Variants in TEX14 observed in about 807,000 individuals in gnomAD.
TEX14 encodes testis expressed 14, intercellular bridge forming factor.
TEX14 carries 168 observed loss-of-function variants against 178.6 expected under a neutral mutation model. That is an observed-to-expected ratio of 0.94 (90% CI 0.83 to 1.07). The LOEUF is 1.07. Among genes scored for constraint, TEX14 ranks in the 50% least tolerant of loss-of-function variants. TEX14 has a pLI of 0.00. For synonymous variants in TEX14, 626 were observed against 634.1 expected (o/e 0.99, Z 0.19); for missense variants, 1,730 against 1,753.6 (o/e 0.99, Z 0.24).
At chr17:58,568,115 A>T (rs564050404) in intron 26 of TEX14, among the ~76,000 whole-genome samples, 1 of 152,366 alleles carries the variant, frequency 6.6e-6, no homozygotes, top group African/African-American at 2.4e-5. Context: ...ATTTGCAAGG[A>T]CTGCCTAGGG....
At chr17:58,573,345 T>C (rs2044588172) in intron 22 of TEX14, 37 bp from the exon 23 acceptor site, 1 of 1,596,724 alleles carries the variant, frequency 6.3e-7, no homozygotes, top group African/African-American at 1.3e-5. Context: ...GATGAGAAGA[T>C]GACTAGAAAA....
intron 1 of TEX14, chr17:58,677,672 A>AT (rs2047416736): frequency 6.6e-6 from 1 of 152,194 alleles, no homozygotes; most frequent in African/African-American, 2.4e-5. Flanking sequence ...ACAGAATGCA[A>AT]TGAGTGAACC....
intron 3 of TEX14, among the ~76,000 whole-genome samples, chr17:58,624,332 TTTTCTTTTC>T (rs1238690482): frequency 7.0e-6 from 1 of 142,196 alleles, no homozygotes; most frequent in Non-Finnish European, 1.6e-5. Flanking sequence ...TTTTCTTTTC[TTTTCTTTTC>T]TTTTTTTTTT....
At chr17:58,631,725 C>G (rs369184) in intron 2 of TEX14, 1 of 147,276 alleles carries the variant, frequency 6.8e-6, no homozygotes. Flanking sequence ...CACTGCTATC[C>G]CACTCGTGAG....
At chr17:58,667,043 T>C (rs546727964) in intron 1 of TEX14, among the ~76,000 whole-genome samples, 1 of 152,308 alleles carries the variant, frequency 6.6e-6, no homozygotes, top group African/African-American at 2.4e-5. Flanking sequence ...GCCATTTTCC[T>C]GACAAAAACG....
intron 1 of TEX14, chr17:58,661,310 G>A (rs1490679676): frequency 1.2e-6 from 1 of 830,538 alleles, no homozygotes; most frequent in Non-Finnish European, 2.2e-6. Flanking sequence ...ACGCTTACGG[G>A]GGTTGACTTG....
rs1367539984 is a variant in TEX14, at chr17:58,569,087, CAGCCTTT to C, written c.3886+98_3886+104del. 6.5e-6 allele frequency: 6 copies of C among 918,018 alleles called. No individual in the cohort carries two copies. Among genetic ancestry groups the C allele is most frequent in the African/African-American group, 1.7e-5 (1 of 58,684 alleles). 56.9% of individuals were successfully genotyped at this position (918,018 alleles called of 1,614,324 possible). A position where few individuals can be genotyped will look rare whatever the true frequency, so the allele number is the denominator to read the frequency against. ...TCCTATATTCAACCAGGCCATCATA[CAGCCTTT>C]TATACTAGTGTTCACACTTGAGACA... On this transcript the variant is annotated intron_variant, in intron 26 of 31. Transcript: ENST00000349033. The surrounding 1 kb of genome is among the most constrained non-coding windows in gnomAD (Gnocchi z 4.1).
chr17:58,597,034 C>G (rs1437949619), intron 14 of TEX14, among the ~76,000 whole-genome samples: 2 of 152,168 alleles, frequency 1.3e-5, no homozygotes, highest in Non-Finnish European at 2.9e-5. Flanking sequence ...CCCTAACCAA[C>G]TTGGCCCTTG....
intron 2 of TEX14, among the ~76,000 whole-genome samples, chr17:58,632,932 A>G (rs534684773): frequency 3.9e-5 from 6 of 152,308 alleles, no homozygotes; most frequent in African/African-American, 1.4e-4. Context: ...CAAGACCCCT[A>G]TTAAAAGTCT....
intron 13 of TEX14, among the ~76,000 whole-genome samples, chr17:58,600,403 T>A (rs1396653298): frequency 6.6e-6 from 1 of 151,584 alleles, no homozygotes; most frequent in African/African-American, 2.4e-5. Context: ...CTCTACTAAA[T>A]ACAAAAAATT....
intron 10 of TEX14, among the ~76,000 whole-genome samples, chr17:58,607,750 G>A (rs2045643601): frequency 6.6e-6 from 1 of 152,228 alleles, no homozygotes; most frequent in Non-Finnish European, 1.5e-5. Context: ...AGCGTCCACT[G>A]CTCCTGAACA....
intron 1 of TEX14, among the ~76,000 whole-genome samples, chr17:58,654,966 T>C (rs1054368960): frequency 2.0e-5 from 3 of 151,928 alleles, no homozygotes; most frequent in Non-Finnish European, 2.9e-5. Context: ...TTTTAACTTT[T>C]TTAGTTGGTC....
At chr17:58,654,022 C>CA (rs1406481588) in intron 1 of TEX14, among the ~76,000 whole-genome samples, 29 of 151,700 alleles carry the variant, frequency 1.9e-4, no homozygotes, top group Non-Finnish European at 3.5e-4. Context: ...ACTAAAAATA[C>CA]AAAAAATTAG....
chr17:58,614,056 G>A (rs2144523273), intron 8 of TEX14, among the ~76,000 whole-genome samples: 1 of 152,324 alleles, frequency 6.6e-6, no homozygotes, highest in African/African-American at 2.4e-5. Flanking sequence ...GAGACCTTGA[G>A]AGCTTAGAGC....
At chr17:58,590,506 A>G (rs2045104714) in intron 15 of TEX14, among the ~76,000 whole-genome samples, 1 of 151,770 alleles carries the variant, frequency 6.6e-6, no homozygotes, top group South Asian at 2.1e-4. Context: ...GCAACCTAAA[A>G]TTCAACAATA....
At chr17:58,647,706 G>GT (rs2046745822) in intron 2 of TEX14, among the ~76,000 whole-genome samples, 1 of 148,406 alleles carries the variant, frequency 6.7e-6, no homozygotes, top group Non-Finnish European at 1.5e-5. Context: ...TTTGTTTTTT[G>GT]TTTTTTGAGA....
At position 58,640,612 on chromosome 17, in the gene TEX14, A is replaced by AGTGTGTGTGTGT. The variant is rs33931543; in HGVS notation, c.137-10070_137-10059dup. Among the ~76,000 whole-genome samples, 955 of 143,914 alleles carry AGTGTGTGTGTGT rather than the reference A, an allele frequency of 6.6e-3. 6 individuals are homozygous for AGTGTGTGTGTGT. The highest frequency in any genetic ancestry group is 0.01 in the East Asian group (50 of 4,930). 94.4% of individuals were successfully genotyped at this position (143,914 alleles called of 152,430 possible). A position where few individuals can be genotyped will look rare whatever the true frequency, so the allele number is the denominator to read the frequency against. On this transcript the variant is annotated intron_variant, in intron 2 of 31. Transcript: ENST00000349033. ...TACTCACATGCAGAGCTTACCTTCT[A>AGTGTGTGTGTGT]GTGTGTGTGTGTGTGTGTGTGTGTG...
chr17:58,660,870 G>A, intron 1 of TEX14: 1 of 797,514 alleles, frequency 1.3e-6, no homozygotes, highest in Non-Finnish European at 2.3e-6. Flanking sequence ...AGAATGAAGG[G>A]TTTCATTGGA....
intron 13 of TEX14, among the ~76,000 whole-genome samples, chr17:58,600,496 G>A (rs1429786374): frequency 6.6e-6 from 1 of 151,674 alleles, no homozygotes; most frequent in Non-Finnish European, 1.5e-5. Context: ...GGGAGACAGA[G>A]GTTGCAGTAA....
Sources: allele counts gnomAD v4.1 joint callset (sites outside exome capture counted in the v4.1 genomes callset), GRCh38; gene constraint gnomAD v4.1.1; non-coding constraint Gnocchi (gnomAD v3.1); transcripts MANE v1.5; gene names NCBI Gene and HGNC (gene_info 2026-07-23, HGNC 2026-07-21).